PLXNC1: variants seen among roughly 807,000 people sequenced by gnomAD.
The protein encoded by PLXNC1 is plexin C1.
Under a neutral mutation model 178.2 loss-of-function variants are expected in PLXNC1, and 75 were observed. The ratio of observed to expected loss-of-function variants is 0.42; its 90% CI spans 0.35 to 0.51. The LOEUF is 0.51. PLXNC1 is among the 20% of genes least tolerant of loss of function. PLXNC1 has a pLI of 0.02. For missense variants in PLXNC1, 1,503 were observed against 1,984.4 expected, an observed-to-expected ratio of 0.76 and a Z score of 4.61; for synonymous variants, 790 against 779.9, an observed-to-expected ratio of 1.01 and a Z score of -0.22.
chr12:94,230,696 T>G (rs1468636270), intron 9 of PLXNC1, among the ~76,000 whole-genome samples: 2 of 152,258 alleles, frequency 1.3e-5, no homozygotes, highest in Non-Finnish European at 2.9e-5. Flanking sequence ...GTTTCCACTT[T>G]GGGCCTTCAT....
chr12:94,204,289 G>A (rs537596914), intron 4 of PLXNC1, among the ~76,000 whole-genome samples: 1 of 152,276 alleles, frequency 6.6e-6, no homozygotes, highest in African/African-American at 2.4e-5. Context: ...TGTGACCTTA[G>A]GAAAGCAATA....
intron 21 of PLXNC1, chr12:94,277,637 C>T (rs865885204): frequency 1.9e-5 from 6 of 310,622 alleles, no homozygotes; most frequent in South Asian, 1.4e-4. Context: ...CTGGCTTCCA[C>T]TGGGTTCATT....
intron 2 of PLXNC1, among the ~76,000 whole-genome samples, chr12:94,171,612 A>G (rs1464359820): frequency 1.3e-5 from 2 of 152,078 alleles, no homozygotes; most frequent in African/African-American, 4.8e-5. Context: ...TGACTTTGCA[A>G]CCTCTGCCGC....
intron 2 of PLXNC1, among the ~76,000 whole-genome samples, chr12:94,179,595 G>C (rs925461452): frequency 7.2e-5 from 11 of 152,000 alleles, no homozygotes; most frequent in Admixed American, 3.3e-4. Context: ...ACAAAAATTA[G>C]CTGGGTGTGG....
rs1029093907 is a variant in PLXNC1, at chr12:94,178,195, T to C, written c.1204-3251T>C. Among the ~76,000 whole-genome samples the C allele has an allele frequency of 2.6e-5, 4 of 152,242 alleles. No individual in the cohort carries two copies. The South Asian group carries it at 6.2e-4, about 24-fold the overall frequency. Reference sequence around the variant, plus strand: ...TGAAAAAACCAGGTATTTTGCCCTATAGAATGTCTCTTATCATGTGTTTGG... The same window carrying C: ...TGAAAAAACCAGGTATTTTGCCCTACAGAATGTCTCTTATCATGTGTTTGG... On this transcript the variant is annotated intron_variant, in intron 2 of 30. Transcript: ENST00000258526.
intron 9 of PLXNC1, among the ~76,000 whole-genome samples, chr12:94,230,736 T>C (rs1964076285): frequency 6.6e-6 from 1 of 152,220 alleles, no homozygotes; most frequent in Non-Finnish European, 1.5e-5. Flanking sequence ...CCCAATGTCT[T>C]TGTGATTCTG....
intron 8 of PLXNC1, 52 bp downstream of exon 8, chr12:94,226,759 C>T (rs779278669): frequency 3.1e-5 from 40 of 1,284,928 alleles, no homozygotes; most frequent in Non-Finnish European, 4.3e-5. Flanking sequence ...CATGGTGGCT[C>T]ACGCCTGCAA....
chr12:94,177,219 G>GTATA (rs1555195648), intron 2 of PLXNC1, among the ~76,000 whole-genome samples: 1 of 88,460 alleles, frequency 1.1e-5, no homozygotes, highest in Non-Finnish European at 2.2e-5. Context: ...ATATGTGTGT[G>GTATA]TATATATATA....
At chr12:94,274,334 TAAAA>T (rs1222832897) in intron 21 of PLXNC1, among the ~76,000 whole-genome samples, 1 of 151,820 alleles carries the variant, frequency 6.6e-6, no homozygotes, top group Non-Finnish European at 1.5e-5. Flanking sequence ...CCCTGTCTAT[TAAAA>T]AAGAAAGAAA....
chr12:94,184,568 G>A (rs533681328), intron 3 of PLXNC1, among the ~76,000 whole-genome samples: 10 of 151,948 alleles, frequency 6.6e-5, no homozygotes, highest in Admixed American at 4.6e-4. Context: ...GATTACAGAC[G>A]CCCACCACTA....
intron 17 of PLXNC1, among the ~76,000 whole-genome samples, chr12:94,257,917 T>A (rs73368551): frequency 0.25 from 32,588 of 132,342 alleles, 3,931 homozygotes; most frequent in African/African-American, 0.31. Flanking sequence ...TCAAAAAAAA[T>A]AATAAATAAA....
chr12:94,304,212 T>C, intron 30 of PLXNC1, 161 bp downstream of exon 30: 1 of 551,914 alleles, frequency 1.8e-6, no homozygotes, highest in East Asian at 2.9e-5. Context: ...AGCCAGACCC[T>C]GTACATGGCT....
In PLXNC1 at chr12:94,251,458, G is replaced by C. The variant is rs1210084334; in HGVS notation, c.2811G>C (p.Glu937Asp). 6.2e-7 allele frequency: 1 copy of C among 1,613,514 alleles called. No homozygotes were observed. Among genetic ancestry groups the C allele is most frequent in the Non-Finnish European group, 8.5e-7 (1 of 1,179,412 alleles). The part of the protein sequence containing the change: ...VKLGNLELYV[E>D]QESVPSTWYF... The stretch of plus-strand genomic sequence containing the variant: ...TGGGAAACCTGGAGCTCTACGTCGA[G>C]CAGGAGTCAGTTCCTTCCACATGGT... The change falls in exon 15 of 31, where the codon GAG becomes GAC. Residue 937 changes from glutamate (E) to aspartate (D), a missense_variant. Glu to Asp is a conservative substitution (Grantham distance 45). Coordinates refer to ENST00000258526, the MANE Select transcript of PLXNC1 (RefSeq NM_005761.3).
chr12:94,150,125 G>A, intron 1 of PLXNC1, 92 bp downstream of exon 1: 3 of 1,085,738 alleles, frequency 2.8e-6, no homozygotes, highest in Admixed American at 3.2e-5. Flanking sequence ...CGAGCGGCGG[G>A]GCGGGGGTAC....
At position 94,247,876 on chromosome 12, in the gene PLXNC1, C is replaced by A. The variant is rs771974637; in HGVS notation, c.2389-27C>A. On this transcript the variant is annotated intron_variant, in intron 12 of 30. Coordinates refer to ENST00000258526, the MANE Select transcript of PLXNC1 (RefSeq NM_005761.3). Reference sequence around the variant, plus strand: ...CAGCTGGGATTCGTTAACAAAGTTACTAAAACATTCTTTTCTTTTTGTCCA... The same window carrying A: ...CAGCTGGGATTCGTTAACAAAGTTAATAAAACATTCTTTTCTTTTTGTCCA... 6 of 1,605,594 alleles carry A rather than the reference C, an allele frequency of 3.7e-6. No homozygotes were observed. In the Admixed American group the frequency reaches 8.3e-5, roughly 22 times the overall value.
chr12:94,225,054 G>GC lies in PLXNC1; in HGVS notation c.1790+745dup, dbSNP rs552332439. On this transcript the variant is annotated intron_variant, in intron 7 of 30. Coordinates refer to ENST00000258526, the MANE Select transcript of PLXNC1 (RefSeq NM_005761.3). ...TTCACCAAAAGAACATGTTCCTGCT[G>GC]CCCCCCTTTTCACCATCTTTGGCCT... 5.1e-4 allele frequency among the ~76,000 whole-genome samples: 77 copies of GC among 152,290 alleles called. 2 individuals are homozygous for GC. In the East Asian group the frequency reaches 0.01, roughly 20 times the overall value.
chr12:94,291,107 CT>C (rs1967275647), intron 23 of PLXNC1, among the ~76,000 whole-genome samples: 1 of 152,218 alleles, frequency 6.6e-6, no homozygotes, highest in Admixed American at 6.5e-5. Context: ...CCACTTGACC[CT>C]GGTTTCCATG....
At chr12:94,237,868 T>C in intron 10 of PLXNC1, 65 bp downstream of exon 10, 5 of 1,536,242 alleles carry the variant, frequency 3.3e-6, no homozygotes, top group Admixed American at 1.7e-5. Context: ...CAAAGGAATA[T>C]CAGTGTGATT....
chr12:94,283,809 C>G (rs1029511684), intron 23 of PLXNC1, among the ~76,000 whole-genome samples: 1 of 152,050 alleles, frequency 6.6e-6, no homozygotes, highest in Non-Finnish European at 1.5e-5. Context: ...CTGGGCCAGG[C>G]GTGGTGGCTC....
Sources: gnomAD v4.1 joint callset for allele counts (sites outside exome capture counted in the v4.1 genomes callset) on GRCh38, gnomAD v4.1.1 for gene constraint, MANE v1.5 for transcripts, NCBI Gene and HGNC (gene_info 2026-07-23, HGNC 2026-07-21) for gene names.